DAPK1: variants seen among roughly 807,000 people sequenced by gnomAD.
DAPK1 encodes the protein death associated protein kinase 1.
A neutral mutation model predicts 144.9 loss-of-function variants in DAPK1; 56 were observed. The ratio of observed to expected loss-of-function variants is 0.39; its 90% CI spans 0.31 to 0.48. The LOEUF is 0.48. DAPK1 is among the 20% of genes least tolerant of loss of function. The pLI is 0.95. For missense variants in DAPK1, 1,454 were observed against 1,875.4 expected (o/e 0.78, Z 4.15); for synonymous variants, 690 against 749.0 (o/e 0.92, Z 1.29).
At chr9:87,669,116 A>G (rs1831163377) in intron 19 of DAPK1, among the ~76,000 whole-genome samples, 1 of 152,216 alleles carries the variant, frequency 6.6e-6, no homozygotes, top group African/African-American at 2.4e-5. Flanking sequence ...CTACAACATG[A>G]CAGTTGTGTC....
chr9:87,630,713 A>C (rs187765346), intron 3 of DAPK1, among the ~76,000 whole-genome samples: 2 of 152,248 alleles, frequency 1.3e-5, no homozygotes, highest in East Asian at 3.9e-4. Context: ...TGGGAACACA[A>C]CCGAGGCTCT....
chr9:87,540,503 C>T (rs1425164696), intron 2 of DAPK1, among the ~76,000 whole-genome samples: 1 of 152,084 alleles, frequency 6.6e-6, no homozygotes, highest in Non-Finnish European at 1.5e-5. Context: ...TTGTTAATCT[C>T]TTACCATGTC....
chr9:87,569,373 G>A (rs1827251388), intron 2 of DAPK1, among the ~76,000 whole-genome samples: 1 of 152,210 alleles, frequency 6.6e-6, no homozygotes, highest in South Asian at 2.1e-4. Flanking sequence ...CCAGGAACCT[G>A]TATTTTTCAA....
chr9:87,565,149 CA>C (rs1827070643), intron 2 of DAPK1, among the ~76,000 whole-genome samples: 1 of 152,144 alleles, frequency 6.6e-6, no homozygotes, highest in Admixed American at 6.5e-5. Flanking sequence ...CAGAAAGCAC[CA>C]CCACAGCTCC....
At chr9:87,582,869 A>C (rs1827800434) in intron 2 of DAPK1, among the ~76,000 whole-genome samples, 1 of 151,974 alleles carries the variant, frequency 6.6e-6, no homozygotes, top group Non-Finnish European at 1.5e-5. Context: ...CCCTAGTTCT[A>C]ATGGGGTCAC....
At chr9:87,590,763 A>C (rs778236464) in intron 2 of DAPK1, among the ~76,000 whole-genome samples, 5 of 152,020 alleles carry the variant, frequency 3.3e-5, no homozygotes, top group Non-Finnish European at 4.4e-5. Flanking sequence ...ATTTTTAAAA[A>C]TTTTTTATAG....
At chr9:87,505,677 G>T (rs1824560254) in intron 2 of DAPK1, among the ~76,000 whole-genome samples, 1 of 149,884 alleles carries the variant, frequency 6.7e-6, no homozygotes, top group Non-Finnish European at 1.5e-5. Context: ...TTACAGGCAT[G>T]AATCACTGTG....
At chr9:87,556,300 A>C (rs1826712205) in intron 2 of DAPK1, among the ~76,000 whole-genome samples, 1 of 152,128 alleles carries the variant, frequency 6.6e-6, no homozygotes, top group South Asian at 2.1e-4. Context: ...GATTTTATGG[A>C]GGAGGAAACA....
chr9:87,567,410 G>A (rs1237136113), intron 2 of DAPK1, among the ~76,000 whole-genome samples: 2 of 152,116 alleles, frequency 1.3e-5, no homozygotes, highest in East Asian at 3.9e-4. Flanking sequence ...GAAGGGAATG[G>A]GGCGTGGGGA....
intron 2 of DAPK1, among the ~76,000 whole-genome samples, chr9:87,551,061 A>C (rs898288228): frequency 2.0e-5 from 3 of 152,174 alleles, no homozygotes; most frequent in African/African-American, 7.2e-5. Flanking sequence ...GCTCTTCCCC[A>C]GTGCTGCTTC....
chr9:87,615,579 C>T (rs1829067347), intron 3 of DAPK1, among the ~76,000 whole-genome samples: 1 of 152,210 alleles, frequency 6.6e-6, no homozygotes, highest in African/African-American at 2.4e-5. Flanking sequence ...GTAGAACGTT[C>T]ACTACTTTTA....
chr9:87,637,674 T>G (rs1450947041), intron 3 of DAPK1, among the ~76,000 whole-genome samples: 5 of 152,226 alleles, frequency 3.3e-5, no homozygotes, highest in Admixed American at 6.5e-5. Flanking sequence ...CACTGATATT[T>G]TCTTCACAGC....
intron 21 of DAPK1, among the ~76,000 whole-genome samples, chr9:87,691,938 G>A (rs762751872): frequency 5.9e-5 from 9 of 152,136 alleles, no homozygotes; most frequent in Non-Finnish European, 1.3e-4. Context: ...GTGTGCTGAT[G>A]AGAAAATGCG....
intron 21 of DAPK1, among the ~76,000 whole-genome samples, chr9:87,688,283 A>T (rs972177955): frequency 1.3e-5 from 2 of 152,056 alleles, no homozygotes; most frequent in African/African-American, 4.8e-5. Flanking sequence ...CTTCTTTTTT[A>T]TGGCTTCATA....
intron 16 of DAPK1, 39 bp from the exon 17 acceptor site, chr9:87,651,488 A>G: frequency 6.2e-7 from 1 of 1,605,094 alleles, no homozygotes; most frequent in Non-Finnish European, 8.5e-7. Context: ...CCACATGCCC[A>G]AGTGAAAAGC....
At chr9:87,518,266 C>T (rs1333766104) in intron 2 of DAPK1, among the ~76,000 whole-genome samples, 2 of 150,656 alleles carry the variant, frequency 1.3e-5, no homozygotes, top group African/African-American at 4.9e-5. Flanking sequence ...CGTGCCCCAC[C>T]ACACCCAGCT....
intron 2 of DAPK1, among the ~76,000 whole-genome samples, chr9:87,556,105 C>T (rs182472517): frequency 2.6e-5 from 4 of 152,274 alleles, no homozygotes; most frequent in East Asian, 1.9e-4. Flanking sequence ...TTCTAATCTC[C>T]GTCACCGAAA....
Position 87,561,836 on chromosome 9 carries a change from C to T in DAPK1, c.63-43118C>T, listed in dbSNP as rs537531441. On this transcript the variant is annotated intron_variant, in intron 2 of 25. Transcript: ENST00000408954. ...TCAGTGCCATTGGAGACCCAGGCTC[C>T]CTGGGTTCTGCCCCCCTCCTTAGGG... 1.5e-4 allele frequency among the ~76,000 whole-genome samples: 23 copies of T among 152,266 alleles called. No individual in the cohort carries two copies. The South Asian group carries it at 4.6e-3, about 30-fold the overall frequency.
chr9:87,590,734 TG>T (rs1828104145), intron 2 of DAPK1, among the ~76,000 whole-genome samples: 1 of 152,140 alleles, frequency 6.6e-6, no homozygotes, highest in Admixed American at 6.5e-5. Flanking sequence ...AATACAGGCG[TG>T]TACCACAAGC....
Sources: allele counts gnomAD v4.1 joint callset (sites outside exome capture counted in the v4.1 genomes callset), GRCh38; gene constraint gnomAD v4.1.1; transcripts MANE v1.5; gene names NCBI Gene and HGNC (gene_info 2026-07-23, HGNC 2026-07-21).